Variants in NME9 observed in about 807,000 individuals in gnomAD.
NME9 encodes thioredoxin domain-containing protein 6.
A neutral mutation model predicts 44.4 loss-of-function variants in NME9; 48 were observed. That is an observed-to-expected ratio of 1.08 (90% CI 0.86 to 1.37). NME9 has a LOEUF of 1.37. Among genes scored for constraint, NME9 ranks in the 40% most tolerant of loss-of-function variants. The probability of loss-of-function intolerance (pLI) is 0.00; values close to 1 mark genes in which losing one functional copy is unlikely to be tolerated. For synonymous variants in NME9, 139 were observed against 147.1 expected, an observed-to-expected ratio of 0.94 and a Z score of 0.40; for missense variants, 325 against 405.2, an observed-to-expected ratio of 0.80 and a Z score of 1.70.
At chr3:138,275,560 A>G (rs2049204713) in intron 8 of NME9, among the ~76,000 whole-genome samples, 1 of 149,466 alleles carries the variant, frequency 6.7e-6, no homozygotes, top group African/African-American at 2.4e-5. Context: ...CTCTGTCTCA[A>G]AAAAAAAAAA....
At position 138,303,598 on chromosome 3, in the gene NME9, A is replaced by G. The variant is rs777327969; in HGVS notation, c.837T>C (p.His279=). ...YGTEMPFNAV[H]GSRDREDADR... The stretch of plus-strand genomic sequence containing the variant: ...CAGCATCTTCTCTGTCCCGGCTTCC[A>G]TGGACGGCATTGAAGGGCATTTCTG... Residue 279 remains histidine (H), a synonymous_variant, in exon 10 of 11, where the codon CAT becomes CAC. Transcript: ENST00000333911. 1 of 1,613,856 alleles carries G rather than the reference A, an allele frequency of 6.2e-7. No homozygotes were observed. The highest frequency in any genetic ancestry group is 8.5e-7 in the Non-Finnish European group (1 of 1,179,698).
chr3:138,270,154 A>G (rs778493944), intron 8 of NME9: 1 of 1,489,686 alleles, frequency 6.7e-7, no homozygotes, highest in Non-Finnish European at 9.4e-7. Flanking sequence ...TTTTATATAT[A>G]TCATAACTTA....
chr3:138,301,977 T>C (rs2051882080), intron 10 of NME9, among the ~76,000 whole-genome samples: 1 of 152,188 alleles, frequency 6.6e-6, no homozygotes, highest in South Asian at 2.1e-4. Context: ...ATGAAGCTAT[T>C]TGTGGTTATG....
downstream of NME9, among the ~76,000 whole-genome samples, chr3:138,300,708 G>C (rs2108423030): frequency 6.6e-6 from 1 of 152,324 alleles, no homozygotes; most frequent in Non-Finnish European, 1.5e-5. Flanking sequence ...GTGTCAGCCA[G>C]AATCAGAAGC....
chr3:138,286,833 A>G (rs1207183441), intron 8 of NME9, among the ~76,000 whole-genome samples: 1 of 151,948 alleles, frequency 6.6e-6, no homozygotes, highest in Non-Finnish European at 1.5e-5. Flanking sequence ...CCCAGCCTAG[A>G]CCTCTCTTCC....
intron 8 of NME9, among the ~76,000 whole-genome samples, chr3:138,280,399 C>T (rs1196582108): frequency 6.7e-6 from 1 of 149,218 alleles, no homozygotes; most frequent in South Asian, 2.1e-4. Context: ...CTCACTGCAG[C>T]CTCCACCTCC....
intron 6 of NME9, among the ~76,000 whole-genome samples, chr3:138,306,792 C>G (rs1395415546): frequency 6.6e-6 from 1 of 152,202 alleles, no homozygotes; most frequent in Admixed American, 6.5e-5. Context: ...AGGGATTGCT[C>G]AAAGACTGCT....
At chr3:138,267,090 A>G (rs549359051) in intron 8 of NME9, 28 of 789,586 alleles carry the variant, frequency 3.5e-5, no homozygotes, top group African/African-American at 7.1e-5. Flanking sequence ...TATATTTTAT[A>G]TCTCATTTTA....
At position 138,315,712 on chromosome 3, in the gene NME9, G is replaced by A. The variant is rs2053029442; in HGVS notation, c.268-69C>T. 34 of 1,210,792 alleles carry A rather than the reference G, an allele frequency of 2.8e-5. No individual in the cohort carries two copies. In the South Asian group the frequency reaches 4.6e-4, roughly 16 times the overall value. 75.0% of individuals were successfully genotyped at this position (1,210,792 alleles called of 1,614,324 possible). A position where few individuals can be genotyped will look rare whatever the true frequency, so the allele number is the denominator to read the frequency against. On this transcript the variant is annotated intron_variant, in intron 4 of 10. Transcript: ENST00000333911. ...TAATCTCTTGTAAGAGATGGCAAGA[G>A]TGTCTAGGAGTGTCCCCAAGTTCAA...
intron 8 of NME9, among the ~76,000 whole-genome samples, chr3:138,278,770 A>G (rs1224704797): frequency 1.3e-5 from 2 of 151,890 alleles, no homozygotes; most frequent in South Asian, 4.2e-4. Context: ...TAGGTCTTGC[A>G]CTCTTGGTCA....
chr3:138,294,860 T>G (rs983130294), intron 8 of NME9, among the ~76,000 whole-genome samples: 1 of 151,972 alleles, frequency 6.6e-6, no homozygotes, highest in Non-Finnish European at 1.5e-5. Context: ...GTTCACATTA[T>G]TTTTTGGTTT....
chr3:138,291,348 G>T (rs2050929931), intron 8 of NME9, among the ~76,000 whole-genome samples: 1 of 152,114 alleles, frequency 6.6e-6, no homozygotes, highest in South Asian at 2.1e-4. Flanking sequence ...AGCCATACCT[G>T]TCCGCTTACA....
chr3:138,269,246 G>C (rs1330454137), intron 8 of NME9, among the ~76,000 whole-genome samples: 2 of 151,796 alleles, frequency 1.3e-5, no homozygotes, highest in Non-Finnish European at 2.9e-5. Flanking sequence ...CCTTTTTCTG[G>C]GTATATAGAT....
intron 8 of NME9, chr3:138,263,922 CA>C: frequency 8.6e-7 from 1 of 1,162,050 alleles, no homozygotes; most frequent in Admixed American, 1.7e-5. Flanking sequence ...AAATGTTCCT[CA>C]AAAATCTGCT....
intron 1 of NME9, among the ~76,000 whole-genome samples, chr3:138,328,383 A>C (rs1428561074): frequency 6.9e-6 from 1 of 144,724 alleles, no homozygotes; most frequent in African/African-American, 2.6e-5. Flanking sequence ...GTACCCTTAG[A>C]ATGATGCTGC....
At chr3:138,324,399 A>C (rs995092715) in intron 2 of NME9, 2 of 451,942 alleles carry the variant, frequency 4.4e-6, no homozygotes, top group African/African-American at 4.0e-5. Flanking sequence ...TAAAGCACTA[A>C]GTTTCTGGGT....
intron 8 of NME9, among the ~76,000 whole-genome samples, chr3:138,285,477 C>T (rs1193965291): frequency 2.6e-5 from 4 of 152,182 alleles, no homozygotes; most frequent in Admixed American, 1.3e-4. Context: ...AAAAAGGCCA[C>T]GTTCTTTCCT....
chr3:138,281,023 G>A (rs1373363101), intron 8 of NME9, among the ~76,000 whole-genome samples: 1 of 152,144 alleles, frequency 6.6e-6, no homozygotes, highest in Non-Finnish European at 1.5e-5. Flanking sequence ...CTACTCCTCT[G>A]TGCTGTTCTA....
chr3:138,277,318 G>A (rs892587643), intron 8 of NME9, among the ~76,000 whole-genome samples: 4 of 152,166 alleles, frequency 2.6e-5, no homozygotes, highest in African/African-American at 4.8e-5. Context: ...GAAAATGCAG[G>A]AGAAAATCTT....
Sources: gnomAD v4.1 joint callset for allele counts (sites outside exome capture counted in the v4.1 genomes callset) on GRCh38, gnomAD v4.1.1 for gene constraint, MANE v1.5 for transcripts, NCBI Gene and HGNC (gene_info 2026-07-23, HGNC 2026-07-21) for gene names.